ATXN1: variants seen among roughly 807,000 people sequenced by gnomAD.
The protein encoded by ATXN1 is ataxin 1, also known as ataxin-1.
In ATXN1, 8 loss-of-function variants were observed where a neutral mutation model predicts 56.4. The observed-to-expected ratio is 0.14, with a 90% confidence interval of 0.08 to 0.26. The LOEUF (loss-of-function observed/expected upper bound fraction) is 0.26. ATXN1 is among the 10% of genes least tolerant of loss of function. The pLI is 1.00. For synonymous variants in ATXN1, 514 were observed against 494.6 expected (o/e 1.04, Z -0.52); for missense variants, 987 against 1,106.5 (o/e 0.89, Z 1.53).
At chr6:16,445,303 TA>T (rs1385039784) in intron 6 of ATXN1, among the ~76,000 whole-genome samples, 2 of 152,152 alleles carry the variant, frequency 1.3e-5, no homozygotes, top group Non-Finnish European at 2.9e-5. Flanking sequence ...ATAGAAATAG[TA>T]AAATATTTTA....
chr6:16,341,035 C>T (rs1040991819), intron 6 of ATXN1, among the ~76,000 whole-genome samples: 5 of 152,184 alleles, frequency 3.3e-5, no homozygotes, highest in African/African-American at 4.8e-5. Flanking sequence ...AGCTAACTTC[C>T]GGTGTCTTAA....
chr6:16,489,591 T>C (rs1225755325), intron 5 of ATXN1, among the ~76,000 whole-genome samples: 2 of 152,120 alleles, frequency 1.3e-5, no homozygotes, highest in East Asian at 3.9e-4. Context: ...AAGGAAACCT[T>C]CATGGCATGT....
At chr6:16,367,339 C>T (rs179963) in intron 6 of ATXN1, among the ~76,000 whole-genome samples, 110,182 of 143,706 alleles carry the variant, frequency 0.77, 41,268 homozygotes, top group African/African-American at 0.83. Flanking sequence ...CTGTTTCTCT[C>T]TCTCTCTCTC....
At chr6:16,508,531 G>A (rs2113681453) in intron 5 of ATXN1, among the ~76,000 whole-genome samples, 1 of 152,216 alleles carries the variant, frequency 6.6e-6, no homozygotes, top group Admixed American at 6.5e-5. Context: ...AGACTCAACT[G>A]TCTATCTGAA....
intron 6 of ATXN1, among the ~76,000 whole-genome samples, chr6:16,394,304 G>A (rs567673049): frequency 1.2e-4 from 18 of 152,070 alleles, no homozygotes; most frequent in Non-Finnish European, 7.4e-5. Flanking sequence ...GTTCTCCACC[G>A]GCCATTTTTT....
intron 3 of ATXN1, among the ~76,000 whole-genome samples, chr6:16,590,372 T>C (rs1440186281): frequency 8.5e-5 from 13 of 152,210 alleles, no homozygotes; most frequent in Non-Finnish European, 7.3e-5. Context: ...TACCAGTACA[T>C]AGTTGAACAG....
intron 3 of ATXN1, among the ~76,000 whole-genome samples, chr6:16,588,270 G>A (rs1449673190): frequency 6.6e-6 from 1 of 152,070 alleles, no homozygotes; most frequent in Non-Finnish European, 1.5e-5. Flanking sequence ...ACCTTCCTTG[G>A]CTCCTGCCTA....
chr6:16,464,026 C>A (rs1219741308), intron 6 of ATXN1, among the ~76,000 whole-genome samples: 1 of 152,184 alleles, frequency 6.6e-6, no homozygotes, highest in Non-Finnish European at 1.5e-5. Context: ...CCTTCTTCAC[C>A]CCTATCCAGC....
At chr6:16,365,588 G>GA (rs951395529) in intron 6 of ATXN1, among the ~76,000 whole-genome samples, 3 of 152,096 alleles carry the variant, frequency 2.0e-5, no homozygotes, top group Non-Finnish European at 4.4e-5. Flanking sequence ...TGTGTCCATG[G>GA]AAAAAAATGA....
chr6:16,730,506 T>TATATATATATATATATATATATATATAA (rs1367623215), intron 2 of ATXN1, among the ~76,000 whole-genome samples: 7 of 147,116 alleles, frequency 4.8e-5, no homozygotes, highest in Admixed American at 3.4e-4. Flanking sequence ...TATATATATA[T>TATATATATATATATATATATATATATAA]AAATGTATTT....
chr6:16,460,340 C>T (rs369959711), intron 6 of ATXN1, among the ~76,000 whole-genome samples: 7 of 152,136 alleles, frequency 4.6e-5, no homozygotes, highest in African/African-American at 1.7e-4. Context: ...AAGGAAGGAA[C>T]CCCACAACCT....
intron 2 of ATXN1, among the ~76,000 whole-genome samples, chr6:16,698,108 G>A (rs187610918): frequency 1.9e-4 from 29 of 152,264 alleles, no homozygotes; most frequent in Admixed American, 1.5e-3. Flanking sequence ...CAGAGGTGAC[G>A]GGGAAAGAAA....
chr6:16,573,718 C>T (rs1581853922), intron 4 of ATXN1, among the ~76,000 whole-genome samples: 1 of 152,170 alleles, frequency 6.6e-6, no homozygotes, highest in African/African-American at 2.4e-5. Context: ...CATATAACTC[C>T]GCTGGCCCCT....
At chr6:16,442,679 G>C (rs1422407807) in intron 6 of ATXN1, among the ~76,000 whole-genome samples, 3 of 152,158 alleles carry the variant, frequency 2.0e-5, no homozygotes, top group Admixed American at 6.5e-5. Context: ...AAAGTTTGGG[G>C]GATAAGAAGG....
At chr6:16,567,799 G>A (rs976522735) in intron 4 of ATXN1, among the ~76,000 whole-genome samples, 4 of 152,206 alleles carry the variant, frequency 2.6e-5, no homozygotes, top group African/African-American at 9.6e-5. Flanking sequence ...AATAAACAAG[G>A]TGTGTAAACT....
rs191135975 is a variant in ATXN1, at chr6:16,530,632, G to A, written c.-360-7944C>T. Reference sequence around the variant, plus strand: ...TGGAGGTGGGAGGACAAAGAAGATCGGGAAAAATAACTAATGGTTACTAGG... The same window carrying A: ...TGGAGGTGGGAGGACAAAGAAGATCAGGAAAAATAACTAATGGTTACTAGG... On this transcript the variant is annotated intron_variant, in intron 4 of 7. Transcript: ENST00000436367. Among the ~76,000 whole-genome samples the A allele has an allele frequency of 2.5e-3, 381 of 152,166 alleles. 1 individual carries two copies. The highest frequency in any genetic ancestry group is 4.7e-3 in the Non-Finnish European group (322 of 67,984).
intron 4 of ATXN1, among the ~76,000 whole-genome samples, chr6:16,527,116 C>T (rs1240380551): frequency 6.6e-6 from 1 of 151,802 alleles, no homozygotes; most frequent in Non-Finnish European, 1.5e-5. Context: ...AATCTAAGTT[C>T]CTTCTCAAAG....
At chr6:16,642,771 A>G (rs1216105054) in intron 3 of ATXN1, among the ~76,000 whole-genome samples, 3 of 152,258 alleles carry the variant, frequency 2.0e-5, no homozygotes, top group African/African-American at 7.2e-5. Flanking sequence ...TTATGGTTCA[A>G]TGAAGATGAT....
intron 7 of ATXN1, among the ~76,000 whole-genome samples, chr6:16,307,338 G>A (rs947449755): frequency 1.3e-5 from 2 of 152,110 alleles, no homozygotes; most frequent in East Asian, 3.9e-4. Context: ...CAAGAAGCAG[G>A]CACAGTGTGT....
Sources: allele counts gnomAD v4.1 joint callset (sites outside exome capture counted in the v4.1 genomes callset), GRCh38; gene constraint gnomAD v4.1.1; transcripts MANE v1.5; gene names NCBI Gene and HGNC (gene_info 2026-07-23, HGNC 2026-07-21).